Variants in NEBL observed in about 807,000 individuals in gnomAD.
The protein encoded by NEBL is LIM and SH3 protein 2.
Under a neutral mutation model 140.2 loss-of-function variants are expected in NEBL, and 122 were observed. That is an observed-to-expected ratio of 0.87 (90% CI 0.75 to 1.01). NEBL has a LOEUF of 1.01. Ranked by LOEUF, NEBL falls within the 50% of genes least tolerant of loss-of-function variation. The pLI, the probability that NEBL is intolerant of heterozygous loss-of-function variation, is 0.00. For synonymous variants in NEBL, 436 were observed against 398.9 expected (o/e 1.09, Z -1.11); for missense variants, 1,365 against 1,231.3 (o/e 1.11, Z -1.62).
At chr10:20,980,237 G>T (rs554833953) in intron 3 of NEBL, among the ~76,000 whole-genome samples, 2 of 152,130 alleles carry the variant, frequency 1.3e-5, no homozygotes, top group East Asian at 3.9e-4. Flanking sequence ...AATGTCATCA[G>T]TGAATGGGCT....
chr10:20,818,758 G>A, intron 20 of NEBL: 1 of 978,116 alleles, frequency 1.0e-6, no homozygotes, highest in Non-Finnish European at 1.2e-6. Context: ...GGTACTTAAT[G>A]AAGATCTCTT....
chr10:21,187,529 G>A (rs956190218), intron 3 of NEBL, among the ~76,000 whole-genome samples: 6 of 150,230 alleles, frequency 4.0e-5, no homozygotes, highest in South Asian at 2.1e-4. Flanking sequence ...TATTATTATT[G>A]TTATTACTAA....
chr10:21,120,393 C>CATATATATATATATAT (rs1201775144), intron 2 of NEBL, among the ~76,000 whole-genome samples: 1,029 of 59,242 alleles, frequency 0.017, 19 homozygotes, highest in Non-Finnish European at 0.022. Flanking sequence ...AAAAAAAATA[C>CATATATATATATATAT]ATATATATAT....
At chr10:20,876,561 G>T (rs886709323) in intron 5 of NEBL, among the ~76,000 whole-genome samples, 3 of 151,966 alleles carry the variant, frequency 2.0e-5, no homozygotes, top group African/African-American at 7.2e-5. Context: ...TTAATTTTAA[G>T]AAAGTACATA....
chr10:20,914,969 A>ATATTTTTTTTTTTTTTT (rs1848480142), intron 4 of NEBL, among the ~76,000 whole-genome samples: 1 of 111,244 alleles, frequency 9.0e-6, no homozygotes. Context: ...AGTGGCTGGG[A>ATATTTTTTTTTTTTTTT]TTTTTTTTTT....
At chr10:21,025,051 C>T (rs1215689802) in intron 2 of NEBL, among the ~76,000 whole-genome samples, 2 of 151,966 alleles carry the variant, frequency 1.3e-5, no homozygotes, top group Non-Finnish European at 2.9e-5. Context: ...CTCCACCAGG[C>T]CTAGAGGAAG....
intron 3 of NEBL, among the ~76,000 whole-genome samples, chr10:21,238,749 T>C (rs1383977059): frequency 6.9e-6 from 1 of 145,736 alleles, no homozygotes; most frequent in Non-Finnish European, 1.5e-5. Flanking sequence ...AAAGAGAAGG[T>C]TGAGGGGAGA....
In NEBL at chr10:20,895,605, T is replaced by C. The variant is rs530558524; in HGVS notation, c.153+1353A>G. ...TGTTGTTGTTGTTGTCATTGTCACTTATTATTACTGCAATTTACAGAGAAC... is the reference window on the plus strand; with the variant it reads ...TGTTGTTGTTGTTGTCATTGTCACTCATTATTACTGCAATTTACAGAGAAC... On this transcript the variant is annotated intron_variant, in intron 2 of 27. Coordinates refer to ENST00000377122, the MANE Select transcript of NEBL (RefSeq NM_006393.3). Among the ~76,000 whole-genome samples, 5 of 152,330 alleles carry C rather than the reference T, an allele frequency of 3.3e-5. No homozygotes were observed. The South Asian group carries it at 8.3e-4, about 25-fold the overall frequency.
At position 20,888,084 on chromosome 10, in the gene NEBL, A is replaced by G; in HGVS notation, c.369+13T>C. The stretch of plus-strand genomic sequence containing the variant: ...TATCTACAAAATCATGAAACACTTT[A>G]GAAAAACCCTACCTCACTCTGGAGC... On this transcript the variant is annotated intron_variant, in intron 4 of 27. Transcript: ENST00000377122. 1 of 1,548,002 alleles carries G rather than the reference A, an allele frequency of 6.5e-7. No homozygotes were observed. Among genetic ancestry groups the G allele is most frequent in the African/African-American group, 1.4e-5 (1 of 73,660 alleles).
At chr10:21,098,375 A>G (rs1225471038) in intron 2 of NEBL, among the ~76,000 whole-genome samples, 1 of 152,204 alleles carries the variant, frequency 6.6e-6, no homozygotes, top group African/African-American at 2.4e-5. Context: ...AACTCTTCCT[A>G]TCACACAGCA....
At chr10:21,244,453 A>G (rs1842489759) in intron 3 of NEBL, among the ~76,000 whole-genome samples, 2 of 151,940 alleles carry the variant, frequency 1.3e-5, no homozygotes, top group African/African-American at 4.8e-5. Context: ...GGAGTTCAAG[A>G]CCAGCCTGGC....
chr10:20,796,059 G>C (rs931082683), intron 26 of NEBL, among the ~76,000 whole-genome samples: 69 of 152,080 alleles, frequency 4.5e-4, no homozygotes, highest in Admixed American at 4.5e-3. Context: ...ATTTGACTTA[G>C]TTGTCTCAAA....
intron 2 of NEBL, chr10:21,126,109 T>TC (rs775712069): frequency 1.2e-6 from 2 of 1,612,146 alleles, no homozygotes; most frequent in African/African-American, 1.3e-5. Context: ...GGCTCTCCGT[T>TC]CTGCCTTACC....
intron 3 of NEBL, among the ~76,000 whole-genome samples, chr10:21,201,300 C>T (rs1841731387): frequency 6.6e-6 from 1 of 152,164 alleles, no homozygotes; most frequent in African/African-American, 2.4e-5. Flanking sequence ...TAAGTGTGTA[C>T]TGAACAAAAA....
intron 4 of NEBL, among the ~76,000 whole-genome samples, chr10:20,934,771 G>A (rs1455396216): frequency 6.6e-6 from 1 of 152,144 alleles, no homozygotes; most frequent in African/African-American, 2.4e-5. Context: ...AGATCTGAAG[G>A]TTGTTTATTT....
At chr10:21,184,937 T>C (rs1364262955) in intron 3 of NEBL, among the ~76,000 whole-genome samples, 3 of 152,180 alleles carry the variant, frequency 2.0e-5, no homozygotes, top group Admixed American at 6.5e-5. Flanking sequence ...GTTTTCCAAA[T>C]TTTCTACAAT....
intron 2 of NEBL, among the ~76,000 whole-genome samples, chr10:21,050,987 A>C (rs1030069024): frequency 6.6e-6 from 1 of 152,184 alleles, no homozygotes; most frequent in African/African-American, 2.4e-5. Flanking sequence ...GCTTCCATCT[A>C]TTATGAACAC....
At chr10:21,186,230 C>T (rs181726361) in intron 3 of NEBL, among the ~76,000 whole-genome samples, 3 of 149,834 alleles carry the variant, frequency 2.0e-5, no homozygotes, top group South Asian at 2.1e-4. Flanking sequence ...CATAACCATC[C>T]CTTTTTAAAA....
intron 26 of NEBL, among the ~76,000 whole-genome samples, chr10:20,788,271 C>T (rs1588593767): frequency 6.6e-6 from 1 of 152,208 alleles, no homozygotes; most frequent in Middle Eastern, 3.4e-3. Flanking sequence ...TTATGTGCTA[C>T]ATTAGTAAAA....
Sources: allele counts gnomAD v4.1 joint callset (sites outside exome capture counted in the v4.1 genomes callset), GRCh38; gene constraint gnomAD v4.1.1; transcripts MANE v1.5; gene names NCBI Gene and HGNC (gene_info 2026-07-23, HGNC 2026-07-21).